Variants in HERC4 observed in about 807,000 individuals in gnomAD.
HERC4 encodes probable E3 ubiquitin-protein ligase HERC4.
In HERC4, 28 loss-of-function variants were observed where a neutral mutation model predicts 124.3. The observed-to-expected ratio is 0.23, with a 90% CI of 0.17 to 0.31. The LOEUF (loss-of-function observed/expected upper bound fraction) is 0.31. Ranked by LOEUF, HERC4 falls within the 10% of genes least tolerant of loss-of-function variation. The pLI, the probability that HERC4 is intolerant of heterozygous loss-of-function variation, is 1.00. For missense variants in HERC4, 713 were observed against 1,229.3 expected (o/e 0.58, Z 6.28); for synonymous variants, 407 against 421.5 (o/e 0.97, Z 0.42).
chr10:68,041,458 GA>G (rs1425408463), intron 4 of HERC4, among the ~76,000 whole-genome samples: 2 of 151,996 alleles, frequency 1.3e-5, no homozygotes, highest in Admixed American at 1.3e-4. Flanking sequence ...AATTAGGCAG[GA>G]ATTGTAATAT....
At chr10:67,998,791 T>C (rs1406978418) in intron 9 of HERC4, among the ~76,000 whole-genome samples, 1 of 152,162 alleles carries the variant, frequency 6.6e-6, no homozygotes, top group Non-Finnish European at 1.5e-5. Context: ...CAGGCTTAAG[T>C]GCAATGGTGC....
At chr10:68,047,738 T>A (rs1270993296) in intron 3 of HERC4, among the ~76,000 whole-genome samples, 1 of 152,188 alleles carries the variant, frequency 6.6e-6, no homozygotes, top group Admixed American at 6.5e-5. Context: ...CCAGTTGTGA[T>A]GTCAAGGATG....
At chr10:67,995,288 A>T in intron 9 of HERC4, 1 of 455,572 alleles carries the variant, frequency 2.2e-6, no homozygotes, top group Non-Finnish European at 4.4e-6. Flanking sequence ...ATTGATGCTC[A>T]TTCACTGTAG....
At chr10:68,057,324 G>C (rs962733903) in intron 3 of HERC4, among the ~76,000 whole-genome samples, 1 of 152,070 alleles carries the variant, frequency 6.6e-6, no homozygotes, top group Non-Finnish European at 1.5e-5. Flanking sequence ...TTTTGGGAAG[G>C]GCAGGGCTGG....
At chr10:67,930,540 TA>T (rs1217223235) in intron 23 of HERC4, among the ~76,000 whole-genome samples, 6 of 152,204 alleles carry the variant, frequency 3.9e-5, no homozygotes, top group Non-Finnish European at 8.8e-5. Context: ...CGGCAACATA[TA>T]AATGTTCCTG....
chr10:67,935,590 T>A (rs1332952021), intron 22 of HERC4, among the ~76,000 whole-genome samples: 2 of 152,218 alleles, frequency 1.3e-5, no homozygotes, highest in Non-Finnish European at 2.9e-5. Context: ...TGTCCAGGTG[T>A]CCTCAAACCC....
intron 14 of HERC4, 21 bp downstream of exon 14, chr10:67,990,190 A>G (rs2036475909): frequency 1.3e-6 from 2 of 1,566,128 alleles, no homozygotes; most frequent in Non-Finnish European, 8.6e-7. Flanking sequence ...GTTTCAAAAG[A>G]AAAAATATTA....
At chr10:68,000,774 C>T (rs2037183773) in intron 9 of HERC4, among the ~76,000 whole-genome samples, 1 of 152,058 alleles carries the variant, frequency 6.6e-6, no homozygotes, top group South Asian at 2.1e-4. Flanking sequence ...CCAAGGTCTA[C>T]AAGCGAAGGA....
intron 3 of HERC4, among the ~76,000 whole-genome samples, chr10:68,057,166 G>C (rs906486982): frequency 2.0e-5 from 3 of 152,026 alleles, no homozygotes; most frequent in African/African-American, 2.4e-5. Context: ...TCACAGTCAA[G>C]CACTGTATAA....
intron 4 of HERC4, chr10:68,040,657 A>G (rs2039715434): frequency 5.9e-6 from 1 of 169,726 alleles, no homozygotes; most frequent in African/African-American, 2.4e-5. Flanking sequence ...TTGGGAGGCC[A>G]AGGCGAGCAG....
chr10:68,074,457 C>T (rs35099795), intron 1 of HERC4, among the ~76,000 whole-genome samples: 15,669 of 152,074 alleles, frequency 0.1, 896 homozygotes, highest in South Asian at 0.15. Flanking sequence ...TATTTAAAAA[C>T]AAAATAAGAG....
At position 67,938,213 on chromosome 10, in the gene HERC4, C is replaced by T. The variant is rs367687131; in HGVS notation, c.2571+1375G>A. On this transcript the variant is annotated intron_variant, in intron 21 of 24. Coordinates refer to ENST00000373700, the MANE Select transcript of HERC4 (RefSeq NM_015601.4). ...ATCCCAGCACTTTGGGAGGCTAACG[C>T]GGGCAGATCACGAGGTCAAGAGATT... Among the ~76,000 whole-genome samples the T allele has an allele frequency of 6.6e-5, 10 of 151,362 alleles. No homozygotes were observed. The East Asian group carries it at 1.2e-3, about 18-fold the overall frequency.
At chr10:68,046,094 A>G (rs1358638285) in intron 3 of HERC4, among the ~76,000 whole-genome samples, 1 of 152,214 alleles carries the variant, frequency 6.6e-6, no homozygotes, top group Non-Finnish European at 1.5e-5. Flanking sequence ...AAACATACAA[A>G]AACAAAAAAG....
Position 67,923,098 on chromosome 10 carries a change from T to C in HERC4, c.2983A>G (p.Lys995Glu), listed in dbSNP as rs2030403944. The change falls in exon 25 of 25, where the codon AAG becomes GAG. Residue 995 changes from lysine to glutamate, a missense_variant. Transcript: ENST00000373700. ...GACTGGATGACTAGTTTCAGACTCT[T>C]CATACCAAGAATAGGAATGCGATCA... is the stretch of plus-strand genomic sequence containing the variant. ...GSDRIPILGM[K>E]SLKLVIQSTG... 6.2e-7 allele frequency: 1 copy of C among 1,613,884 alleles called. No individual in the cohort carries two copies. The highest frequency in any genetic ancestry group is 8.5e-7 in the Non-Finnish European group (1 of 1,179,948).
rs970265869 is a variant in HERC4 at position 67,932,942 on chromosome 10, T to C, written c.2655-162A>G. ...AAACAGGACAAAACCAAAGTCACTA[T>C]GGAAAAAGCTATTATTCTTTCTATA... On this transcript the variant is annotated intron_variant, in intron 22 of 24. Transcript: ENST00000373700. Among the ~76,000 whole-genome samples, 23 of 152,206 alleles carry C rather than the reference T, an allele frequency of 1.5e-4. 1 individual carries two copies. Among genetic ancestry groups the C allele is most frequent in the Admixed American group, 1.3e-3 (20 of 15,278 alleles).
In HERC4 at chr10:67,927,417, TATATATATATA is replaced by T. The variant is rs1472281723; in HGVS notation, c.2839-2241_2839-2231del. Among the ~76,000 whole-genome samples the T allele has an allele frequency of 7.8e-3, 88 of 11,334 alleles. 7 individuals carry two copies. The highest frequency in any genetic ancestry group is 0.023 in the African/African-American group (81 of 3,564). The allele number at this position is 11,334 out of a possible 152,430, so 7.4% of individuals were successfully genotyped here. ...ATATATATATATATATATATATATA[TATATATATATA>T]TATTTTTTTTTTTTTTTAGATAGAG... is the stretch of plus-strand genomic sequence containing the variant. On this transcript the variant is annotated intron_variant, in intron 23 of 24. Coordinates refer to ENST00000373700, the MANE Select transcript of HERC4 (RefSeq NM_015601.4).
rs1453117552 is a variant in HERC4, at chr10:67,991,195, T to C, written c.1276A>G (p.Ile426Val). 4 of 1,530,778 alleles carry C rather than the reference T, an allele frequency of 2.6e-6. No individual in the cohort carries two copies. The Admixed American group carries it at 7.9e-5, about 30-fold the overall frequency. 94.8% of individuals were successfully genotyped at this position (1,530,778 alleles called of 1,614,324 possible). Residue 426 changes from isoleucine (I) to valine (V), a missense_variant, in exon 12 of 25, where the codon ATA becomes GTA. Coordinates refer to ENST00000373700, the MANE Select transcript of HERC4 (RefSeq NM_015601.4). Reference sequence around the variant, plus strand: ...CCAGAGGAAGAAAACGTTCCATCTATCTCACTAAAAAATTTAAAAAAGTTT... The same window carrying C: ...CCAGAGGAAGAAAACGTTCCATCTACCTCACTAAAAAATTTAAAAAAGTTT... ...GRFPVEIANE[I>V]DGTFSSSGCL...
intron 15 of HERC4, among the ~76,000 whole-genome samples, chr10:67,971,535 A>G (rs1006569348): frequency 2.0e-5 from 3 of 152,158 alleles, no homozygotes; most frequent in African/African-American, 7.2e-5. Flanking sequence ...GAAAAAAATC[A>G]TCTGTTCATC....
intron 3 of HERC4, among the ~76,000 whole-genome samples, chr10:68,065,120 T>C (rs2041238110): frequency 6.6e-6 from 1 of 152,152 alleles, no homozygotes; most frequent in Admixed American, 6.5e-5. Context: ...GGGAAAAAAG[T>C]TGAGATACAA....
Sources: gnomAD v4.1 joint callset for allele counts (sites outside exome capture counted in the v4.1 genomes callset) on GRCh38, gnomAD v4.1.1 for gene constraint, MANE v1.5 for transcripts, NCBI Gene and HGNC (gene_info 2026-07-23, HGNC 2026-07-21) for gene names.